Variants in MPRIP observed in about 807,000 individuals in gnomAD.
MPRIP encodes myosin phosphatase Rho-interacting protein.
In MPRIP, 59 loss-of-function variants were observed where a neutral mutation model predicts 234.9. The observed-to-expected ratio is 0.25, with a 90% confidence interval of 0.20 to 0.31. MPRIP has a LOEUF of 0.31. MPRIP is among the 10% of genes least tolerant of loss of function. The pLI, the probability that MPRIP is intolerant of heterozygous loss-of-function variation, is 1.00. For missense variants in MPRIP, 2,436 were observed against 3,071.0 expected (o/e 0.79, Z 4.89); for synonymous variants, 1,144 against 1,263.9 (o/e 0.91, Z 2.01).
intron 1 of MPRIP, among the ~76,000 whole-genome samples, chr17:17,046,134 A>G (rs2088342914): frequency 6.6e-6 from 1 of 152,192 alleles, no homozygotes; most frequent in Non-Finnish European, 1.5e-5. Flanking sequence ...TTTTATCCTG[A>G]ACTGTGTGCA....
rs1376814113 is a variant in MPRIP at position 17,171,597 on chromosome 17, C to T, written c.6325-121C>T. 3.1e-6 allele frequency: 4 copies of T among 1,299,778 alleles called. No individual in the cohort carries two copies. In the East Asian group the frequency reaches 9.3e-5, roughly 30 times the overall value. 80.5% of individuals were successfully genotyped at this position (1,299,778 alleles called of 1,614,324 possible). A position where few individuals can be genotyped will look rare whatever the true frequency, so the allele number is the denominator to read the frequency against. On this transcript the variant is annotated intron_variant, in intron 16 of 23. Transcript: ENST00000651222. ...CAGGGCGCCCATGGTGGAGCAAGCT[C>T]AGTGAATGCCCAGTCACAGCTGGGC...
intron 12 of MPRIP, 118 bp downstream of exon 12, chr17:17,150,351 C>A: frequency 1.4e-6 from 1 of 706,868 alleles, no homozygotes. Flanking sequence ...GTATGGTCAG[C>A]ACTTAGTCTT....
intron 3 of MPRIP, among the ~76,000 whole-genome samples, chr17:17,123,576 C>A (rs1452788224): frequency 6.6e-6 from 1 of 151,788 alleles, no homozygotes; most frequent in Non-Finnish European, 1.5e-5. Flanking sequence ...TGGTAGCATG[C>A]ATCTGTAGTC....
intron 7 of MPRIP, 172 bp from the exon 8 acceptor site, chr17:17,142,455 G>C (rs1276419549): frequency 1.5e-6 from 1 of 674,238 alleles, no homozygotes; most frequent in African/African-American, 1.8e-5. Flanking sequence ...GAGGGCCGTG[G>C]AGGGGTGCAG....
chr17:17,117,475 G>A (rs1002675841), intron 3 of MPRIP, among the ~76,000 whole-genome samples: 2 of 152,236 alleles, frequency 1.3e-5, no homozygotes, highest in Non-Finnish European at 2.9e-5. Context: ...GTCCTTTTGT[G>A]ACTGGCTTCA....
intron 9 of MPRIP, 139 bp from the exon 10 acceptor site, chr17:17,145,897 G>A (rs2045452891): frequency 1.3e-6 from 1 of 786,754 alleles, no homozygotes; most frequent in Non-Finnish European, 2.1e-6. Context: ...AGGGTGAGGG[G>A]GCTGCACAGG....
chr17:17,067,122 G>A (rs1195605873), intron 1 of MPRIP, among the ~76,000 whole-genome samples: 6 of 152,126 alleles, frequency 3.9e-5, no homozygotes, highest in Non-Finnish European at 7.4e-5. Context: ...TTTGCAGTTC[G>A]AGGTGTGATA....
chr17:17,096,290 TGTGTGTGTGTGTGTGTGTG>T (rs2089840338), intron 3 of MPRIP, among the ~76,000 whole-genome samples: 1 of 1,400 alleles, frequency 7.1e-4, no homozygotes, highest in African/African-American at 1.7e-3. Flanking sequence ...GTGTGCAGGG[TGTGTGTGTGTGTGTGTGTG>T]TGTGTGTGTG....
rs551452733 is a variant in MPRIP, at chr17:17,167,043, G to C, written c.5452G>C (p.Val1818Leu). The part of the protein sequence containing the change: ...SLRDCQKLLQ[V>L]SQSLSYNTCL... ...GAGAGATTGCCAGAAGCTTCTCCAGGTGTCCCAGAGTCTCTCGTATAACAC... is the reference window on the plus strand; with the variant it reads ...GAGAGATTGCCAGAAGCTTCTCCAGCTGTCCCAGAGTCTCTCGTATAACAC... The change falls in exon 16 of 24, where the codon GTG becomes CTG. Residue 1818 changes from valine (V) to leucine (L), a missense_variant. Coordinates refer to ENST00000651222, the MANE Select transcript of MPRIP (RefSeq NM_001364716.4). This position sits in a 1 kb window ranked among gnomAD's most constrained non-coding sequence, Gnocchi z 5.9. The C allele has an allele frequency of 8.5e-5, 111 of 1,304,354 alleles. No individual in the cohort carries two copies. Among genetic ancestry groups the C allele is most frequent in the Non-Finnish European group, 1.1e-4 (104 of 988,972 alleles). The allele number at this position is 1,304,354 out of a possible 1,614,324, so 80.8% of individuals were successfully genotyped here. A position where few individuals can be genotyped will look rare whatever the true frequency, so the allele number is the denominator to read the frequency against.
At chr17:17,116,493 A>C (rs1461861884) in intron 3 of MPRIP, among the ~76,000 whole-genome samples, 1 of 152,200 alleles carries the variant, frequency 6.6e-6, no homozygotes, top group African/African-American at 2.4e-5. Flanking sequence ...ATCTATGTTC[A>C]TGAAGAATGG....
intron 1 of MPRIP, among the ~76,000 whole-genome samples, chr17:17,062,734 A>C (rs528663574): frequency 6.6e-6 from 1 of 152,314 alleles, no homozygotes; most frequent in African/African-American, 2.4e-5. Context: ...CGTGTTAGGG[A>C]GTAGATGTAT....
Position 17,185,550 on chromosome 17 carries a change from C to A in MPRIP, c.*656C>A, listed in dbSNP as rs1374793587. 2.2e-6 allele frequency: 1 copy of A among 456,862 alleles called. No homozygotes were observed. Among genetic ancestry groups the A allele is most frequent in the Admixed American group, 2.4e-5 (1 of 42,528 alleles). The allele number at this position is 456,862 out of a possible 1,614,324, so 28.3% of individuals were successfully genotyped here. Reference sequence around the variant, plus strand: ...TATTTTTGTTTGTTTTTTATTAAATCTTGCACAAAATCCCCGGCCCCTCTC... The same window carrying A: ...TATTTTTGTTTGTTTTTTATTAAATATTGCACAAAATCCCCGGCCCCTCTC... On this transcript the variant is annotated 3_prime_UTR_variant, in exon 24 of 24. Coordinates refer to ENST00000651222, the MANE Select transcript of MPRIP (RefSeq NM_001364716.4).
intron 1 of MPRIP, among the ~76,000 whole-genome samples, chr17:17,045,490 A>G (rs1228674572): frequency 1.3e-5 from 2 of 152,208 alleles, no homozygotes; most frequent in African/African-American, 4.8e-5. Context: ...TGACTTGCCC[A>G]GTTCAGGGAT....
chr17:17,119,495 C>G (rs974607432), intron 3 of MPRIP, among the ~76,000 whole-genome samples: 2 of 152,262 alleles, frequency 1.3e-5, no homozygotes, highest in Non-Finnish European at 2.9e-5. Context: ...CACACTTGTT[C>G]TGGGTGGCCC....
intron 16 of MPRIP, 142 bp from the exon 17 acceptor site, chr17:17,171,576 G>T: frequency 2.0e-6 from 2 of 1,012,928 alleles, no homozygotes; most frequent in Non-Finnish European, 1.5e-6. Flanking sequence ...CCTGTTCAGG[G>T]CGCCCATGGT....
Position 17,166,115 on chromosome 17 carries a change from G to A in MPRIP, c.4524G>A (p.Val1508=). ...CACGCGCAGCCTCCCTGGCCAGTGT[G>A]GAGAGTGCACTCGTCAGCGCCATCC... ...QDARAASLAS[V]ESALVSAIQA... Residue 1508 remains valine, a synonymous_variant, in exon 16 of 24, where the codon GTG becomes GTA. Transcript: ENST00000651222. This position sits in a 1 kb window ranked among gnomAD's most constrained non-coding sequence, Gnocchi z 4.4. The A allele has an allele frequency of 7.7e-7, 1 of 1,299,666 alleles. No homozygotes were observed. Among genetic ancestry groups the A allele is most frequent in the Non-Finnish European group, 1.0e-6 (1 of 985,832 alleles). The allele number at this position is 1,299,666 out of a possible 1,614,324, so 80.5% of individuals were successfully genotyped here.
rs1456012529 is a variant in MPRIP at position 17,185,026 on chromosome 17, C to G, written c.*132C>G. On this transcript the variant is annotated 3_prime_UTR_variant, in exon 24 of 24. Transcript: ENST00000651222. ...TGTTGTTGTCATCGTTAACTGTGGG[C>G]ATGGAATGCGTGAGGCTGGCTTCTG... The G allele has an allele frequency of 1.6e-6, 1 of 619,144 alleles. No homozygotes were observed. The highest frequency in any genetic ancestry group is 1.9e-5 in the African/African-American group (1 of 54,028). The allele number at this position is 619,144 out of a possible 1,614,324, so 38.4% of individuals were successfully genotyped here.
intron 3 of MPRIP, among the ~76,000 whole-genome samples, chr17:17,095,904 T>G (rs1047766012): frequency 1.3e-5 from 2 of 152,198 alleles, no homozygotes; most frequent in Non-Finnish European, 2.9e-5. Flanking sequence ...CCACTTTCCA[T>G]GTATCCAGCC....
intron 3 of MPRIP, among the ~76,000 whole-genome samples, chr17:17,118,514 G>A (rs73979088): frequency 0.057 from 8,691 of 152,292 alleles, 788 homozygotes; most frequent in African/African-American, 0.19. Flanking sequence ...GCTCAGCCCA[G>A]CCTAGGGGCT....
Sources: allele counts gnomAD v4.1 joint callset (sites outside exome capture counted in the v4.1 genomes callset), GRCh38; gene constraint gnomAD v4.1.1; non-coding constraint Gnocchi (gnomAD v3.1); transcripts MANE v1.5; gene names NCBI Gene and HGNC (gene_info 2026-07-23, HGNC 2026-07-21).